KSR2: variants seen among roughly 807,000 people sequenced by gnomAD.
The protein encoded by KSR2 is kinase suppressor of ras 2.
KSR2 carries 25 observed loss-of-function variants against 107.8 expected under a neutral mutation model. That is an observed-to-expected ratio of 0.23 (90% CI 0.17 to 0.32). KSR2 has a LOEUF of 0.32. Ranked by LOEUF, KSR2 falls within the 10% of genes least tolerant of loss-of-function variation. The probability of loss-of-function intolerance (pLI) is 1.00; values close to 1 mark genes in which losing one functional copy is unlikely to be tolerated. For missense variants in KSR2, 887 were observed against 1,268.9 expected (o/e 0.70, Z 4.57); for synonymous variants, 480 against 507.0 (o/e 0.95, Z 0.71).
Position 117,907,438 on chromosome 12 carries a change from T to C in KSR2, c.181-47007A>G, listed in dbSNP as rs1894891203. ...GACGACGCTCAGCAGGTATCTCAGG[T>C]GAGATCTGGTTTCTAGGTGAAGGCA... On this transcript the variant is annotated intron_variant, in intron 1 of 19. Coordinates refer to ENST00000339824, the MANE Select transcript of KSR2 (RefSeq NM_173598.6). The surrounding 1 kb of genome is among the most constrained non-coding windows in gnomAD (Gnocchi z 4.3). 6.6e-6 allele frequency among the ~76,000 whole-genome samples: 1 copy of C among 152,146 alleles called. No homozygotes were observed. The highest frequency in any genetic ancestry group is 6.6e-5 in the Admixed American group (1 of 15,264).
intron 1 of KSR2, among the ~76,000 whole-genome samples, chr12:117,912,110 T>C (rs1566078839): frequency 6.6e-6 from 1 of 152,220 alleles, no homozygotes; most frequent in Non-Finnish European, 1.5e-5. Context: ...ACTCAAAGAA[T>C]GAAAGTGGCG....
At chr12:117,545,167 G>A (rs1263617925) in intron 9 of KSR2, among the ~76,000 whole-genome samples, 1 of 151,914 alleles carries the variant, frequency 6.6e-6, no homozygotes, top group African/African-American at 2.4e-5. Context: ...TTTATCCCTG[G>A]AATAAACTCT....
Position 117,539,789 on chromosome 12 carries a change from A to G in KSR2, c.1617T>C (p.Ser539=). The part of the protein sequence containing the change: ...PSSPAPPLPP[S]ATPPSPLHPS... Reference sequence around the variant, plus strand: ...GGTGTAGGGGAGAAGGCGGCGTGGCACTAGGAGGGAGGGGGGGTGCTGGCG... The same window carrying G: ...GGTGTAGGGGAGAAGGCGGCGTGGCGCTAGGAGGGAGGGGGGGTGCTGGCG... Residue 539 remains serine (S), a synonymous_variant, in exon 10 of 20, where the codon AGT becomes AGC. Coordinates refer to ENST00000339824, the MANE Select transcript of KSR2 (RefSeq NM_173598.6). 6.2e-7 allele frequency: 1 copy of G among 1,607,518 alleles called. No homozygotes were observed. The highest frequency in any genetic ancestry group is 8.5e-7 in the Non-Finnish European group (1 of 1,177,916).
chr12:117,552,507 A>G (rs1395734873), intron 9 of KSR2, among the ~76,000 whole-genome samples: 3 of 152,184 alleles, frequency 2.0e-5, no homozygotes, highest in African/African-American at 4.8e-5. Context: ...CTACCATGTA[A>G]GAAGCCTGAC....
intron 1 of KSR2, among the ~76,000 whole-genome samples, chr12:117,882,684 TC>T (rs1375500807): frequency 1.3e-5 from 2 of 151,082 alleles, no homozygotes; most frequent in African/African-American, 4.9e-5. Context: ...CAACAATCCA[TC>T]CATCCAACCA....
At chr12:117,917,682 C>G (rs528471238) in intron 1 of KSR2, among the ~76,000 whole-genome samples, 1 of 152,242 alleles carries the variant, frequency 6.6e-6, no homozygotes, top group East Asian at 1.9e-4. Context: ...TGGCCTCAAA[C>G]TGTCAACATA....
rs533418910 is a variant in KSR2 at position 117,876,363 on chromosome 12, A to G, written c.181-15932T>C. ...CTTCTCTCCCCAGCCCTGGATCCCAATGAGAACCGGATCCCTGAGGCCAGG... is the reference window on the plus strand; with the variant it reads ...CTTCTCTCCCCAGCCCTGGATCCCAGTGAGAACCGGATCCCTGAGGCCAGG... On this transcript the variant is annotated intron_variant, in intron 1 of 19. Coordinates refer to ENST00000339824, the MANE Select transcript of KSR2 (RefSeq NM_173598.6). 5.3e-4 allele frequency among the ~76,000 whole-genome samples: 80 copies of G among 152,310 alleles called. No homozygotes were observed. The South Asian group carries it at 0.014, about 27-fold the overall frequency.
chr12:117,794,172 G>T (rs377164058), intron 3 of KSR2, among the ~76,000 whole-genome samples: 2 of 36,254 alleles, frequency 5.5e-5, no homozygotes, highest in Non-Finnish European at 1.0e-4. Flanking sequence ...ACCAACATGC[G>T]CACACACCAA....
intron 4 of KSR2, among the ~76,000 whole-genome samples, chr12:117,703,138 A>G (rs1886391137): frequency 6.6e-6 from 1 of 152,240 alleles, no homozygotes. Flanking sequence ...ACAAAGAGAA[A>G]GGCAGATGGC....
intron 3 of KSR2, among the ~76,000 whole-genome samples, chr12:117,762,166 C>T (rs1276288471): frequency 2.6e-5 from 4 of 152,226 alleles, no homozygotes; most frequent in African/African-American, 9.6e-5. Context: ...ACTTTTTGAA[C>T]TTCCCAAGGT....
intron 1 of KSR2, among the ~76,000 whole-genome samples, chr12:117,916,620 C>G (rs1053514071): frequency 6.6e-6 from 1 of 152,072 alleles, no homozygotes; most frequent in Non-Finnish European, 1.5e-5. Flanking sequence ...AGAGTAGAAC[C>G]AAGGCACATT....
intron 1 of KSR2, among the ~76,000 whole-genome samples, chr12:117,912,808 T>C (rs1895058147): frequency 1.3e-5 from 2 of 152,058 alleles, no homozygotes; most frequent in South Asian, 2.1e-4. Context: ...GAGAAGACAG[T>C]GTTCTCTGAT....
chr12:117,625,267 C>A (rs1882411920), intron 5 of KSR2, among the ~76,000 whole-genome samples: 1 of 152,196 alleles, frequency 6.6e-6, no homozygotes, highest in Non-Finnish European at 1.5e-5. Flanking sequence ...GAGAGGGCAT[C>A]CCTGACTTGT....
intron 3 of KSR2, among the ~76,000 whole-genome samples, chr12:117,824,434 A>G (rs1891667712): frequency 6.6e-6 from 1 of 152,240 alleles, no homozygotes; most frequent in African/African-American, 2.4e-5. Flanking sequence ...AGCATAAAGA[A>G]AAGACAAATA....
At chr12:117,741,068 T>C (rs1490160316) in intron 4 of KSR2, among the ~76,000 whole-genome samples, 1 of 152,146 alleles carries the variant, frequency 6.6e-6, no homozygotes, top group East Asian at 1.9e-4. Flanking sequence ...AAAGGGTACA[T>C]CCTAAGAAAG....
chr12:117,583,426 T>C (rs1159680145), intron 5 of KSR2, among the ~76,000 whole-genome samples: 2 of 144,230 alleles, frequency 1.4e-5, no homozygotes, highest in Non-Finnish European at 3.0e-5. Flanking sequence ...GATGGATGGA[T>C]GGATGGATGG....
chr12:117,652,212 T>C (rs1468466246), intron 5 of KSR2, among the ~76,000 whole-genome samples: 1 of 152,102 alleles, frequency 6.6e-6, no homozygotes, highest in African/African-American at 2.4e-5. Flanking sequence ...GTACAGTGTA[T>C]ACTGCTCGGG....
At chr12:117,562,463 C>T (rs1049908427) in intron 7 of KSR2, among the ~76,000 whole-genome samples, 4 of 152,072 alleles carry the variant, frequency 2.6e-5, no homozygotes, top group Admixed American at 6.6e-5. Flanking sequence ...GACTCCACCC[C>T]AGAAACTTCA....
intron 5 of KSR2, among the ~76,000 whole-genome samples, chr12:117,644,554 C>T (rs1315161787): frequency 6.6e-6 from 1 of 152,078 alleles, no homozygotes; most frequent in Non-Finnish European, 1.5e-5. Context: ...CAGAGTGCAG[C>T]CTAGGGATCA....
Sources: gnomAD v4.1 joint callset for allele counts (sites outside exome capture counted in the v4.1 genomes callset) on GRCh38, gnomAD v4.1.1 for gene constraint, Gnocchi (gnomAD v3.1) non-coding constraint, MANE v1.5 for transcripts, NCBI Gene and HGNC (gene_info 2026-07-23, HGNC 2026-07-21) for gene names.